The following SRPK2 variants were observed in gnomAD, a reference collection of about 807,000 sequenced individuals.
SRPK2 encodes SFRS protein kinase 2.
Under a neutral mutation model 90.8 loss-of-function variants are expected in SRPK2, and 21 were observed. The observed-to-expected ratio is 0.23, with a 90% CI of 0.16 to 0.33. The LOEUF (loss-of-function observed/expected upper bound fraction) is 0.33. Among genes scored for constraint, SRPK2 ranks in the 10% least tolerant of loss-of-function variants. The pLI is 1.00. For synonymous variants in SRPK2, 288 were observed against 311.1 expected (o/e 0.93, Z 0.78); for missense variants, 620 against 869.0 (o/e 0.71, Z 3.60).
intron 10 of SRPK2, 71 bp downstream of exon 10, chr7:105,143,012 TG>T: frequency 5.2e-6 from 8 of 1,548,952 alleles, no homozygotes; most frequent in Non-Finnish European, 7.0e-6. Flanking sequence ...TCAGCCCCCA[TG>T]TTGACCTGGC....
chr7:105,179,311 C>G (rs1470973571), intron 3 of SRPK2, among the ~76,000 whole-genome samples: 3 of 152,144 alleles, frequency 2.0e-5, no homozygotes, highest in African/African-American at 4.8e-5. Flanking sequence ...AAAACTATAC[C>G]TGGGTATATA....
intron 2 of SRPK2, among the ~76,000 whole-genome samples, chr7:105,307,562 T>C (rs911248514): frequency 1.1e-4 from 16 of 152,148 alleles, no homozygotes; most frequent in Admixed American, 2.0e-4. Flanking sequence ...CTCTCACCTT[T>C]AAAAACACTT....
intron 2 of SRPK2, among the ~76,000 whole-genome samples, chr7:105,372,136 TAAAAAAAAA>T (rs55928342): frequency 1.3e-4 from 10 of 76,782 alleles, no homozygotes; most frequent in Admixed American, 1.6e-4. Flanking sequence ...CTCCAACTCA[TAAAAAAAAA>T]AAAAAAAAAA....
chr7:105,136,047 A>G (rs1802756548), intron 11 of SRPK2, among the ~76,000 whole-genome samples: 1 of 152,126 alleles, frequency 6.6e-6, no homozygotes, highest in Non-Finnish European at 1.5e-5. Flanking sequence ...TTACAGGCAT[A>G]AGCCACCGCA....
At chr7:105,320,343 GAA>G (rs1041500774) in intron 2 of SRPK2, among the ~76,000 whole-genome samples, 4 of 152,064 alleles carry the variant, frequency 2.6e-5, no homozygotes, top group Non-Finnish European at 4.4e-5. Context: ...TTTGGAAGAG[GAA>G]AAGAGGAACT....
intron 2 of SRPK2, among the ~76,000 whole-genome samples, chr7:105,327,778 T>G (rs1172785189): frequency 6.6e-6 from 1 of 152,240 alleles, no homozygotes; most frequent in East Asian, 1.9e-4. Flanking sequence ...TAAACAACTC[T>G]AAAATTTATA....
In SRPK2 at chr7:105,177,877, T is replaced by G. The variant is rs927121143; in HGVS notation, c.230-8612A>C. Among the ~76,000 whole-genome samples, 82 of 151,816 alleles carry G rather than the reference T, an allele frequency of 5.4e-4. 1 individual carries two copies. The highest frequency in any genetic ancestry group is 7.1e-4 in the Non-Finnish European group (48 of 67,890). Reference sequence around the variant, plus strand: ...CTCTACTAAAAATACAAAAAAAAATTAGCCAGGTGGGCATAGTGGCGGGCG... The same window carrying G: ...CTCTACTAAAAATACAAAAAAAAATGAGCCAGGTGGGCATAGTGGCGGGCG... On this transcript the variant is annotated intron_variant, in intron 3 of 15. Coordinates refer to ENST00000393651, the MANE Select transcript of SRPK2 (RefSeq NM_182692.3).
At chr7:105,164,047 G>A (rs1808136072) in intron 6 of SRPK2, among the ~76,000 whole-genome samples, 1 of 152,124 alleles carries the variant, frequency 6.6e-6, no homozygotes, top group Non-Finnish European at 1.5e-5. Flanking sequence ...TTTCTTCAAA[G>A]GACTGTAACA....
intron 3 of SRPK2, among the ~76,000 whole-genome samples, chr7:105,181,925 T>C (rs1170830832): frequency 7.1e-6 from 1 of 140,754 alleles, no homozygotes; most frequent in Non-Finnish European, 1.6e-5. Context: ...AAACCAAATG[T>C]AGGCTAAAAT....
chr7:105,302,684 CTT>C (rs1170797680), intron 2 of SRPK2, among the ~76,000 whole-genome samples: 1 of 151,866 alleles, frequency 6.6e-6, no homozygotes. Flanking sequence ...ATATTTTTCT[CTT>C]GATTTGGGTC....
chr7:105,393,718 G>C (rs1822243644), upstream of SRPK2, among the ~76,000 whole-genome samples: 3 of 151,906 alleles, frequency 2.0e-5, no homozygotes, highest in South Asian at 6.2e-4. Context: ...AGAATTCAGT[G>C]TTTTTTAGCA....
intron 13 of SRPK2, among the ~76,000 whole-genome samples, chr7:105,127,800 CT>C (rs1801421795): frequency 6.6e-6 from 1 of 152,172 alleles, no homozygotes; most frequent in Non-Finnish European, 1.5e-5. Context: ...ATGGCAACTG[CT>C]ACTGCTCTGC....
intron 2 of SRPK2, among the ~76,000 whole-genome samples, chr7:105,244,123 T>C (rs367727905): frequency 3.4e-4 from 52 of 152,284 alleles, no homozygotes; most frequent in African/African-American, 1.0e-3. Flanking sequence ...TCAGGAGGCT[T>C]TTCCAGGCCA....
intron 2 of SRPK2, chr7:105,306,696 T>C (rs961260087): frequency 1.2e-4 from 41 of 339,204 alleles, no homozygotes; most frequent in African/African-American, 8.8e-4. Flanking sequence ...AATATCTTTA[T>C]CTGCAATCCA....
At chr7:105,396,800 GAGAAAGAAAGAA>G (rs200265544) in intron 1 of SRPK2, among the ~76,000 whole-genome samples, 1 of 120,144 alleles carries the variant, frequency 8.3e-6, no homozygotes. Flanking sequence ...GAAAGAGAAA[GAGAAAGAAAGAA>G]AGAGAGAAAG....
At chr7:105,178,726 T>A (rs959160273) in intron 3 of SRPK2, among the ~76,000 whole-genome samples, 2 of 151,936 alleles carry the variant, frequency 1.3e-5, no homozygotes, top group African/African-American at 4.8e-5. Context: ...GAAGGATCAC[T>A]TGGGTCCAGG....
chr7:105,363,123 A>T (rs1818624860), intron 2 of SRPK2, among the ~76,000 whole-genome samples: 1 of 152,180 alleles, frequency 6.6e-6, no homozygotes, highest in East Asian at 1.9e-4. Context: ...CCAACATGGC[A>T]CATGTATACA....
intron 2 of SRPK2, among the ~76,000 whole-genome samples, chr7:105,266,299 C>A (rs1398093342): frequency 6.6e-6 from 1 of 152,068 alleles, no homozygotes; most frequent in African/African-American, 2.4e-5. Context: ...TCAACCAATA[C>A]TAAGCTCTTG....
At chr7:105,265,431 T>C (rs1464223186) in intron 2 of SRPK2, among the ~76,000 whole-genome samples, 1 of 152,166 alleles carries the variant, frequency 6.6e-6, no homozygotes, top group East Asian at 1.9e-4. Context: ...TGAGCATCTG[T>C]GGATTTTGAT....
Sources: gnomAD v4.1 joint callset for allele counts (sites outside exome capture counted in the v4.1 genomes callset) on GRCh38, gnomAD v4.1.1 for gene constraint, MANE v1.5 for transcripts, NCBI Gene and HGNC (gene_info 2026-07-23, HGNC 2026-07-21) for gene names.